The following NRCAM variants were observed in gnomAD, a reference collection of about 807,000 sequenced individuals.
NRCAM encodes the protein NgCAM-related cell adhesion molecule.
In NRCAM, 83 loss-of-function variants were observed where a neutral mutation model predicts 156.5. The observed-to-expected ratio is 0.53, with a 90% CI of 0.44 to 0.64. NRCAM has a LOEUF of 0.64. Ranked by LOEUF, NRCAM falls within the 30% of genes least tolerant of loss-of-function variation. The pLI is 0.00. For synonymous variants in NRCAM, 538 were observed against 563.9 expected (o/e 0.95, Z 0.65); for missense variants, 1,417 against 1,597.3 (o/e 0.89, Z 1.92).
chr7:108,443,335 G>C (rs1406644677), intron 1 of NRCAM, among the ~76,000 whole-genome samples: 2 of 152,118 alleles, frequency 1.3e-5, no homozygotes, highest in Admixed American at 6.5e-5. Context: ...ACATCATAAA[G>C]GACCAGCTGA....
chr7:108,391,798 T>C (rs1479532563), intron 2 of NRCAM, among the ~76,000 whole-genome samples: 1 of 152,204 alleles, frequency 6.6e-6, no homozygotes, highest in Non-Finnish European at 1.5e-5. Flanking sequence ...AGCATTTGCT[T>C]GTCAGTAAAG....
chr7:108,348,293 A>G (rs1367183454), intron 2 of NRCAM, among the ~76,000 whole-genome samples: 1 of 152,178 alleles, frequency 6.6e-6, no homozygotes, highest in Admixed American at 6.5e-5. Context: ...GAGGAGGGGC[A>G]GAGCCAGGGC....
intron 2 of NRCAM, among the ~76,000 whole-genome samples, chr7:108,369,433 C>G (rs2099614713): frequency 6.6e-6 from 1 of 151,968 alleles, no homozygotes; most frequent in Non-Finnish European, 1.5e-5. Context: ...AAAGTATTTT[C>G]CTTTAAAACA....
At chr7:108,285,686 A>G (rs2098070436) in intron 3 of NRCAM, among the ~76,000 whole-genome samples, 1 of 152,218 alleles carries the variant, frequency 6.6e-6, no homozygotes, top group Non-Finnish European at 1.5e-5. Context: ...AGCTAGAAAC[A>G]AAACTCCTTT....
intron 3 of NRCAM, among the ~76,000 whole-genome samples, chr7:108,290,212 C>A (rs1349343267): frequency 6.6e-6 from 1 of 152,142 alleles, no homozygotes; most frequent in African/African-American, 2.4e-5. Flanking sequence ...CTTTCCTAAT[C>A]TTCTTGCATA....
intron 2 of NRCAM, among the ~76,000 whole-genome samples, chr7:108,321,470 A>G (rs1008739632): frequency 2.0e-5 from 3 of 152,148 alleles, no homozygotes; most frequent in African/African-American, 7.2e-5. Flanking sequence ...CATTATCACA[A>G]AGAGGGCACC....
intron 1 of NRCAM, among the ~76,000 whole-genome samples, chr7:108,400,355 A>G (rs758192869): frequency 6.6e-6 from 1 of 152,212 alleles, no homozygotes; most frequent in South Asian, 2.1e-4. Context: ...GAAGAGCAGA[A>G]ACCACGAGTT....
chr7:108,197,878 A>G lies in NRCAM; in HGVS notation c.1351+78T>C, dbSNP rs2075981139. 10 of 1,119,352 alleles carry G rather than the reference A, an allele frequency of 8.9e-6. No individual in the cohort carries two copies. The South Asian group carries it at 1.6e-4, about 17-fold the overall frequency. 69.3% of individuals were successfully genotyped at this position (1,119,352 alleles called of 1,614,324 possible). A position where few individuals can be genotyped will look rare whatever the true frequency, so the allele number is the denominator to read the frequency against. On this transcript the variant is annotated intron_variant, in intron 14 of 32. Transcript: ENST00000379028. ...GCATTGCACATAGTAGATGCTCAAT[A>G]TATTTTTGCTGATTGAACAGAAAAT...
At chr7:108,314,653 C>T (rs1029042858) in intron 2 of NRCAM, among the ~76,000 whole-genome samples, 33 of 152,216 alleles carry the variant, frequency 2.2e-4, no homozygotes, top group African/African-American at 6.7e-4. Flanking sequence ...CTTGCCTTAG[C>T]CACTTATGGA....
rs1457898716 is a variant in NRCAM, at chr7:108,160,477, T to C, written c.3482A>G (p.Gln1161Arg). The change falls in exon 31 of 33, where the codon CAG becomes CGG. Residue 1161 changes from glutamine to arginine, a missense_variant. Gln to Arg is a conservative substitution (Grantham distance 43). Around this residue, in one of 2 missense-constraint regions of NRCAM, gnomAD observed 179 missense variants for 260.9 expected, o/e 0.69. Coordinates refer to ENST00000379028, the MANE Select transcript of NRCAM (RefSeq NM_001037132.4). ...CCAGCCCTGAGTTGCAATATCCACC[T>C]GCCGGCTTGCCATCGCTGGAAAACA... The part of the protein sequence containing the change: ...FETGPAMASR[Q>R]VDIATQGWFI... The C allele has an allele frequency of 6.2e-7, 1 of 1,613,154 alleles. No individual in the cohort carries two copies. Among genetic ancestry groups the C allele is most frequent in the Non-Finnish European group, 8.5e-7 (1 of 1,179,564 alleles).
Position 108,176,420 on chromosome 7 carries a change from C to G in NRCAM, c.3151+10G>C. 6.2e-7 allele frequency: 1 copy of G among 1,605,436 alleles called. No individual in the cohort carries two copies. Among genetic ancestry groups the G allele is most frequent in the Non-Finnish European group, 8.5e-7 (1 of 1,173,494 alleles). On this transcript the variant is annotated intron_variant, in intron 27 of 32. Coordinates refer to ENST00000379028, the MANE Select transcript of NRCAM (RefSeq NM_001037132.4). ...TATAATTATATGGATTTTATACATA[C>G]CCATCTTACCTTCATCCACAGTTGT...
chr7:108,436,534 T>C (rs1051202149), intron 1 of NRCAM, among the ~76,000 whole-genome samples: 1 of 152,244 alleles, frequency 6.6e-6, no homozygotes, highest in Non-Finnish European at 1.5e-5. Flanking sequence ...AGATTCTTTA[T>C]GAATTTGCAT....
intron 3 of NRCAM, among the ~76,000 whole-genome samples, chr7:108,244,088 C>T (rs1015167770): frequency 1.3e-5 from 2 of 152,050 alleles, no homozygotes; most frequent in Non-Finnish European, 2.9e-5. Context: ...AAAATAAAAC[C>T]TTTCTTTTTC....
chr7:108,148,211 G>C lies in NRCAM; in HGVS notation c.*1699C>G, dbSNP rs988739520. 1 of 152,592 alleles carries C rather than the reference G, an allele frequency of 6.6e-6. No individual in the cohort carries two copies. Among genetic ancestry groups the C allele is most frequent in the African/African-American group, 2.4e-5 (1 of 41,414 alleles). 9.5% of individuals were successfully genotyped at this position (152,592 alleles called of 1,614,324 possible). A position where few individuals can be genotyped will look rare whatever the true frequency, so the allele number is the denominator to read the frequency against. ...ATTTCAGTTTCACAGCAAAAAAGGTGGGGGGAGGGGGGAACCCAATAGATA... is the reference window on the plus strand; with the variant it reads ...ATTTCAGTTTCACAGCAAAAAAGGTCGGGGGAGGGGGGAACCCAATAGATA... On this transcript the variant is annotated 3_prime_UTR_variant, in exon 33 of 33. Coordinates refer to ENST00000379028, the MANE Select transcript of NRCAM (RefSeq NM_001037132.4).
chr7:108,226,524 T>C, intron 8 of NRCAM, 146 bp from the exon 9 acceptor site: 1 of 351,656 alleles, frequency 2.8e-6, no homozygotes, highest in South Asian at 8.3e-5. Flanking sequence ...TAAAAGCAAA[T>C]AACTGTAAAA....
chr7:108,358,071 T>C (rs1463760012), intron 2 of NRCAM, among the ~76,000 whole-genome samples: 1 of 152,124 alleles, frequency 6.6e-6, no homozygotes, highest in African/African-American at 2.4e-5. Flanking sequence ...AATGTTCCCT[T>C]TCCCCTCAAA....
chr7:108,236,983 T>G (rs2095088416), intron 5 of NRCAM, among the ~76,000 whole-genome samples: 1 of 152,106 alleles, frequency 6.6e-6, no homozygotes, highest in African/African-American at 2.4e-5. Context: ...CTGCCAGGAG[T>G]TTACTGTCTG....
intron 11 of NRCAM, 140 bp from the exon 12 acceptor site, chr7:108,209,745 C>T (rs2083049769): frequency 6.3e-6 from 4 of 637,292 alleles, no homozygotes; most frequent in South Asian, 2.1e-5. Flanking sequence ...ATTAGCACCA[C>T]ACTTTTATAA....
intron 2 of NRCAM, among the ~76,000 whole-genome samples, chr7:108,334,370 T>C (rs775337821): frequency 5.3e-5 from 8 of 152,190 alleles, no homozygotes; most frequent in East Asian, 1.9e-4. Flanking sequence ...CCATTGCCTA[T>C]AGAATAAAAT....
Sources: gnomAD v4.1 joint callset for allele counts (sites outside exome capture counted in the v4.1 genomes callset) on GRCh38, gnomAD v4.1.1 for gene constraint, gnomAD v4.1.1 regional missense constraint, MANE v1.5 for transcripts, NCBI Gene and HGNC (gene_info 2026-07-23, HGNC 2026-07-21) for gene names.